ADGRL3: variants seen among roughly 807,000 people sequenced by gnomAD.
ADGRL3 encodes the protein adhesion G protein-coupled receptor L3, also known as calcium-independent alpha-latrotoxin receptor 3.
A neutral mutation model predicts 153.5 loss-of-function variants in ADGRL3; 62 were observed. The ratio of observed to expected loss-of-function variants is 0.40; its 90% CI spans 0.33 to 0.50. The LOEUF (loss-of-function observed/expected upper bound fraction) is 0.50, where lower values mean the gene tolerates loss of function less well. ADGRL3 is among the 20% of genes least tolerant of loss of function. ADGRL3 has a pLI of 0.47. For missense variants in ADGRL3, 1,641 were observed against 1,859.4 expected (o/e 0.88, Z 2.16); for synonymous variants, 710 against 672.5 (o/e 1.06, Z -0.86).
rs181565687 is a variant in ADGRL3 at position 61,604,803 on chromosome 4, A to C, written c.473+17363A>C. The stretch of plus-strand genomic sequence containing the variant: ...TTTCAGTCTGAATAGAAAATAACTA[A>C]AAAGTGGCCAGGAACAATGGCTCAT... On this transcript the variant is annotated intron_variant, in intron 5 of 26. Coordinates refer to ENST00000683033, the MANE Select transcript of ADGRL3 (RefSeq NM_001387552.1). Among the ~76,000 whole-genome samples the C allele has an allele frequency of 3.3e-4, 50 of 152,278 alleles. 1 individual carries two copies. In the East Asian group the frequency reaches 7.3e-3, roughly 22 times the overall value.
At position 61,857,048 on chromosome 4, in the gene ADGRL3, C is replaced by T. The variant is rs13146002; in HGVS notation, c.1481-35608C>T. Among the ~76,000 whole-genome samples, 93 of 145,220 alleles carry T rather than the reference C, an allele frequency of 6.4e-4. No homozygotes were observed. In the Middle Eastern group the frequency reaches 0.011, roughly 17 times the overall value. On this transcript the variant is annotated intron_variant, in intron 9 of 26. Transcript: ENST00000683033. ...CCCTTCCTTCCTTCCTTCCCTTTCT[C>T]CCTCCCTCCCTCTCTCTCTCTTTCT...
chr4:62,069,718 T>G (rs529006034), intron 26 of ADGRL3, among the ~76,000 whole-genome samples: 1 of 152,300 alleles, frequency 6.6e-6, no homozygotes, highest in South Asian at 2.1e-4. Context: ...AGTATTTAAC[T>G]GACTTTGATG....
chr4:61,428,660 T>C (rs1222992667), intron 2 of ADGRL3, among the ~76,000 whole-genome samples: 2 of 152,178 alleles, frequency 1.3e-5, no homozygotes, highest in Non-Finnish European at 2.9e-5. Flanking sequence ...AGCCTCAGTT[T>C]TCTCATCTGT....
chr4:61,501,293 AT>A (rs890377683), intron 3 of ADGRL3, among the ~76,000 whole-genome samples: 2 of 152,168 alleles, frequency 1.3e-5, no homozygotes, highest in African/African-American at 4.8e-5. Flanking sequence ...GCTTAATATA[AT>A]TTTTATCTGT....
At chr4:61,641,349 A>C (rs1036275227) in intron 5 of ADGRL3, among the ~76,000 whole-genome samples, 1 of 151,538 alleles carries the variant, frequency 6.6e-6, no homozygotes, top group Admixed American at 6.6e-5. Context: ...GGTTAGTTAC[A>C]TATGTATACA....
intron 5 of ADGRL3, among the ~76,000 whole-genome samples, chr4:61,662,621 A>T (rs1273459434): frequency 6.6e-6 from 1 of 152,262 alleles, no homozygotes; most frequent in Non-Finnish European, 1.5e-5. Context: ...GGCACCATGG[A>T]TGGCAGGTTA....
At chr4:61,967,071 T>C (rs1219129460) in intron 17 of ADGRL3, among the ~76,000 whole-genome samples, 2 of 152,156 alleles carry the variant, frequency 1.3e-5, no homozygotes, top group African/African-American at 4.8e-5. Flanking sequence ...ATATGTGTTA[T>C]TACTATTTAA....
At chr4:61,655,387 C>T (rs2094414718) in intron 5 of ADGRL3, among the ~76,000 whole-genome samples, 1 of 151,916 alleles carries the variant, frequency 6.6e-6, no homozygotes, top group African/African-American at 2.4e-5. Flanking sequence ...TTAATAAAAG[C>T]AAAAGTATAT....
intron 5 of ADGRL3, among the ~76,000 whole-genome samples, chr4:61,606,210 T>G (rs1011579237): frequency 1.3e-5 from 2 of 152,202 alleles, no homozygotes; most frequent in African/African-American, 4.8e-5. Context: ...AGATGTGAAG[T>G]GAACTAATGC....
At chr4:61,508,645 A>G (rs1380294339) in intron 3 of ADGRL3, among the ~76,000 whole-genome samples, 1 of 152,144 alleles carries the variant, frequency 6.6e-6, no homozygotes, top group African/African-American at 2.4e-5. Context: ...TTACAGGAGT[A>G]TATTGCATGA....
At chr4:61,885,884 A>G (rs2098535856) in intron 9 of ADGRL3, among the ~76,000 whole-genome samples, 1 of 152,166 alleles carries the variant, frequency 6.6e-6, no homozygotes, top group African/African-American at 2.4e-5. Context: ...CATATGTAAA[A>G]CATTCAGGAC....
At chr4:61,471,521 C>G (rs534708882) in intron 2 of ADGRL3, among the ~76,000 whole-genome samples, 1 of 151,538 alleles carries the variant, frequency 6.6e-6, no homozygotes, top group Non-Finnish European at 1.5e-5. Flanking sequence ...AGAGGAATTT[C>G]TATTATAAAA....
Position 61,360,115 on chromosome 4 carries a change from T to C in ADGRL3, c.-239-23009T>C, listed in dbSNP as rs144509684. On this transcript the variant is annotated intron_variant, in intron 1 of 26. Coordinates refer to ENST00000683033, the MANE Select transcript of ADGRL3 (RefSeq NM_001387552.1). ...GAGTGAGGGTATTTCTTTCTCTCAT[T>C]CAATAGAATATATGAGAATTAGGAC... Among the ~76,000 whole-genome samples the C allele has an allele frequency of 1.6e-4, 24 of 152,236 alleles. No individual in the cohort carries two copies. In the East Asian group the frequency reaches 4.6e-3, roughly 29 times the overall value.
At chr4:61,719,427 G>A (rs1326280999) in intron 6 of ADGRL3, among the ~76,000 whole-genome samples, 1 of 151,926 alleles carries the variant, frequency 6.6e-6, no homozygotes, top group African/African-American at 2.4e-5. Context: ...AGAAGAAACA[G>A]GAGGAACCAC....
chr4:61,452,844 TG>T (rs1481825426), intron 2 of ADGRL3, among the ~76,000 whole-genome samples: 1 of 152,132 alleles, frequency 6.6e-6, no homozygotes, highest in African/African-American at 2.4e-5. Flanking sequence ...AATGTCAACA[TG>T]TAAAATGGCT....
At chr4:61,798,505 A>G (rs2152469832) in intron 8 of ADGRL3, among the ~76,000 whole-genome samples, 1 of 152,314 alleles carries the variant, frequency 6.6e-6, no homozygotes, top group East Asian at 1.9e-4. Context: ...CTTTTTGCCA[A>G]ATGATTCTTG....
Position 62,070,040 on chromosome 4 carries a change from T to A in ADGRL3, c.3833-69T>A, listed in dbSNP as rs1745022219. 2.4e-6 allele frequency: 3 copies of A among 1,275,682 alleles called. No homozygotes were observed. In the East Asian group the frequency reaches 7.0e-5, roughly 30 times the overall value. 79.0% of individuals were successfully genotyped at this position (1,275,682 alleles called of 1,614,324 possible). Reference sequence around the variant, plus strand: ...TTCATAGTCAATGAATGTTTTTGCTTCTGTGTTTGTGTGTGTGTTCTATGG... The same window carrying A: ...TTCATAGTCAATGAATGTTTTTGCTACTGTGTTTGTGTGTGTGTTCTATGG... On this transcript the variant is annotated intron_variant, in intron 26 of 26. Transcript: ENST00000683033.
chr4:61,338,785 T>C (rs891806640), intron 1 of ADGRL3, among the ~76,000 whole-genome samples: 2 of 152,224 alleles, frequency 1.3e-5, no homozygotes, highest in East Asian at 3.8e-4. Flanking sequence ...AACTATTGAA[T>C]AAATATTAAG....
chr4:61,537,617 A>G (rs1225996066), intron 4 of ADGRL3, among the ~76,000 whole-genome samples: 1 of 152,082 alleles, frequency 6.6e-6, no homozygotes, highest in Non-Finnish European at 1.5e-5. Flanking sequence ...ACAGGGCTCC[A>G]ATGTCTGAAA....
Sources: allele counts gnomAD v4.1 joint callset (sites outside exome capture counted in the v4.1 genomes callset), GRCh38; gene constraint gnomAD v4.1.1; transcripts MANE v1.5; gene names NCBI Gene and HGNC (gene_info 2026-07-23, HGNC 2026-07-21).